The following UNC13C variants were observed in gnomAD, a reference collection of about 807,000 sequenced individuals.
UNC13C encodes the protein protein unc-13 homolog C.
UNC13C carries 174 observed loss-of-function variants against 245.4 expected under a neutral mutation model. The observed-to-expected ratio is 0.71, with a 90% CI of 0.63 to 0.80. The LOEUF (loss-of-function observed/expected upper bound fraction) is 0.80, where lower values mean the gene tolerates loss of function less well. Ranked by LOEUF, UNC13C falls within the 30% of genes least tolerant of loss-of-function variation. The probability of loss-of-function intolerance (pLI) is 0.00; values close to 1 mark genes in which losing one functional copy is unlikely to be tolerated. For missense variants in UNC13C, 2,829 were observed against 2,602.9 expected (o/e 1.09, Z -1.89); for synonymous variants, 992 against 895.1 (o/e 1.11, Z -1.93).
intron 8 of UNC13C, among the ~76,000 whole-genome samples, chr15:54,250,758 T>C (rs1421031054): frequency 7.7e-6 from 1 of 129,746 alleles, no homozygotes; most frequent in African/African-American, 2.9e-5. Flanking sequence ...TCTTTTTTTT[T>C]TTTTTTTTTT....
rs1431755073 is a variant in UNC13C at position 54,092,053 on chromosome 15, C to T, written c.2984-50965C>T. Among the ~76,000 whole-genome samples the T allele has an allele frequency of 2.0e-5, 3 of 152,194 alleles. No individual in the cohort carries two copies. In the South Asian group the frequency reaches 6.2e-4, roughly 31 times the overall value. ...TTAGCCATTTGAACACGGATCCCCTCTCTTAGGAGCAGAGGATTGTTACTA... is the reference window on the plus strand; with the variant it reads ...TTAGCCATTTGAACACGGATCCCCTTTCTTAGGAGCAGAGGATTGTTACTA... On this transcript the variant is annotated intron_variant, in intron 2 of 32. Transcript: ENST00000260323.
chr15:54,263,176 C>A (rs12912246), intron 8 of UNC13C, among the ~76,000 whole-genome samples: 64,272 of 151,904 alleles, frequency 0.42, 14,159 homozygotes, highest in African/African-American at 0.53. Flanking sequence ...CAATTACTAC[C>A]TATGAACACA....
chr15:54,014,126 T>A lies in UNC13C; in HGVS notation c.1223T>A (p.Ile408Asn). 6.2e-7 allele frequency: 1 copy of A among 1,613,734 alleles called. No homozygotes were observed. ...ACAGGCATTGGAATCTCAACAGATA[T>A]TCTAACTCATGACATCAGAGAAAGA... ...KGTGIGISTD[I>N]LTHDIRERKE... Residue 408 changes from isoleucine (I) to asparagine (N), a missense_variant, in exon 2 of 33, where the codon ATT (isoleucine) becomes AAT (asparagine). Ile to Asn is a moderately radical substitution (Grantham distance 149, BLOSUM62 -3). Coordinates refer to ENST00000260323, the MANE Select transcript of UNC13C (RefSeq NM_001080534.3).
At chr15:54,437,287 T>C (rs1890269896) in intron 19 of UNC13C, among the ~76,000 whole-genome samples, 1 of 152,046 alleles carries the variant, frequency 6.6e-6, no homozygotes, top group Middle Eastern at 3.4e-3. Context: ...CACGAAACAA[T>C]TACCAGCTGG....
At chr15:53,964,530 A>T in the UNC13C span, among the ~76,000 whole-genome samples, 1 of 152,210 alleles carries the variant, frequency 6.6e-6, no homozygotes, top group South Asian at 2.1e-4. Context: ...ATATACCTCT[A>T]TAAGGTGAAA....
chr15:54,107,723 GC>G (rs1411590630), intron 2 of UNC13C, among the ~76,000 whole-genome samples: 4 of 152,128 alleles, frequency 2.6e-5, no homozygotes, highest in Non-Finnish European at 5.9e-5. Flanking sequence ...CCTTTCTCAA[GC>G]TTTTGTACTA....
In UNC13C at chr15:54,628,487, T is replaced by C. The variant is rs1901337011; in HGVS notation, c.*1374T>C. On this transcript the variant is annotated 3_prime_UTR_variant, in exon 33 of 33. Coordinates refer to ENST00000260323, the MANE Select transcript of UNC13C (RefSeq NM_001080534.3). ...AGTATGAAATCACAGACCAGTGAGG[T>C]GAGCTAATTCATGTTAAACTGTTAG... The C allele has an allele frequency of 6.6e-6, 1 of 152,520 alleles. No individual in the cohort carries two copies. The allele number at this position is 152,520 out of a possible 1,614,324, so 9.4% of individuals were successfully genotyped here.
intron 1 of UNC13C, among the ~76,000 whole-genome samples, chr15:53,986,746 T>C (rs1283210611): frequency 2.6e-5 from 4 of 151,000 alleles, no homozygotes; most frequent in African/African-American, 4.8e-5. Context: ...AGTTCAGTTA[T>C]GTAAAACTCT....
chr15:54,368,380 C>A (rs776584126), intron 17 of UNC13C, among the ~76,000 whole-genome samples: 1 of 151,894 alleles, frequency 6.6e-6, no homozygotes, highest in Non-Finnish European at 1.5e-5. Flanking sequence ...ATATTCAAAT[C>A]GAATGTTATC....
chr15:54,498,627 C>T (rs373972608), intron 20 of UNC13C, among the ~76,000 whole-genome samples: 1 of 151,958 alleles, frequency 6.6e-6, no homozygotes, highest in South Asian at 2.1e-4. Context: ...TAGCCACAAA[C>T]AATTAGAAAA....
chr15:53,958,423 T>C, the UNC13C span, among the ~76,000 whole-genome samples: 1 of 152,202 alleles, frequency 6.6e-6, no homozygotes, highest in South Asian at 2.1e-4. Flanking sequence ...GTTTTGCCTT[T>C]TTACCTGGTC....
chr15:53,929,763 T>C, the UNC13C span, among the ~76,000 whole-genome samples: 1 of 152,308 alleles, frequency 6.6e-6, no homozygotes, highest in Non-Finnish European at 1.5e-5. Context: ...ACTGCACCCA[T>C]TGGAAAGTTT....
At chr15:54,151,758 T>C (rs1401463975) in intron 4 of UNC13C, among the ~76,000 whole-genome samples, 2 of 152,118 alleles carry the variant, frequency 1.3e-5, no homozygotes, top group Admixed American at 6.5e-5. Context: ...ATGGTTCTAC[T>C]TTGGGGAAGG....
At chr15:54,487,771 A>G (rs1219707160) in intron 19 of UNC13C, among the ~76,000 whole-genome samples, 2 of 96,304 alleles carry the variant, frequency 2.1e-5, no homozygotes, top group African/African-American at 7.4e-5. Flanking sequence ...CATCTCAAAA[A>G]AAAAAAAAAA....
At chr15:53,892,421 T>A in the UNC13C span, among the ~76,000 whole-genome samples, 1 of 152,170 alleles carries the variant, frequency 6.6e-6, no homozygotes. Context: ...AATGTTGGCC[T>A]GTCTTGCTAG....
At chr15:54,103,684 C>T (rs1336816009) in intron 2 of UNC13C, among the ~76,000 whole-genome samples, 3 of 152,050 alleles carry the variant, frequency 2.0e-5, no homozygotes, top group African/African-American at 2.4e-5. Flanking sequence ...TGTGCCATCA[C>T]CATCAGACCT....
intron 30 of UNC13C, among the ~76,000 whole-genome samples, chr15:54,617,397 A>G (rs994329331): frequency 1.3e-5 from 2 of 152,040 alleles, no homozygotes; most frequent in Non-Finnish European, 2.9e-5. Flanking sequence ...GAAGCTGTTC[A>G]ATGAGCATCA....
chr15:54,187,969 C>A (rs1195349329), intron 4 of UNC13C, among the ~76,000 whole-genome samples: 1 of 152,086 alleles, frequency 6.6e-6, no homozygotes, highest in Non-Finnish European at 1.5e-5. Flanking sequence ...ACCACCCCAC[C>A]ACCATGCACG....
intron 4 of UNC13C, among the ~76,000 whole-genome samples, chr15:54,185,594 T>G (rs935772710): frequency 6.7e-6 from 1 of 149,534 alleles, no homozygotes; most frequent in African/African-American, 2.5e-5. Context: ...TATGTGGCAT[T>G]ATTTCTGAGG....
Sources: gnomAD v4.1 joint callset for allele counts (sites outside exome capture counted in the v4.1 genomes callset) on GRCh38, gnomAD v4.1.1 for gene constraint, MANE v1.5 for transcripts, NCBI Gene and HGNC (gene_info 2026-07-23, HGNC 2026-07-21) for gene names.